The following SAP130 variants were observed in gnomAD, a reference collection of about 807,000 sequenced individuals.
SAP130 encodes Sin3A associated protein 130.
Under a neutral mutation model 103.2 loss-of-function variants are expected in SAP130, and 16 were observed. The observed-to-expected ratio is 0.16, with a 90% confidence interval of 0.10 to 0.24. SAP130 has a LOEUF of 0.24. Ranked by LOEUF, SAP130 falls within the 10% of genes least tolerant of loss-of-function variation. The pLI is 1.00. For missense variants in SAP130, 990 were observed against 1,359.7 expected (o/e 0.73, Z 4.28); for synonymous variants, 477 against 497.0 (o/e 0.96, Z 0.53).
rs1682931034 is a variant in SAP130, at chr2:127,993,174, G to T, written c.1477+13C>A. On this transcript the variant is annotated intron_variant, in intron 12 of 20. Transcript: ENST00000643581. ...TAAACTGTGAAAAGTCATCTAAAAAGCAGGGCTCATACCTGGATACTGTCG... is the reference window on the plus strand; with the variant it reads ...TAAACTGTGAAAAGTCATCTAAAAATCAGGGCTCATACCTGGATACTGTCG... 6.2e-7 allele frequency: 1 copy of T among 1,613,606 alleles called. No individual in the cohort carries two copies. Among genetic ancestry groups the T allele is most frequent in the African/African-American group, 1.3e-5 (1 of 75,006 alleles).
chr2:127,988,020 G>A (rs1222592772), intron 13 of SAP130, among the ~76,000 whole-genome samples: 1 of 152,138 alleles, frequency 6.6e-6, no homozygotes, highest in Admixed American at 6.5e-5. Flanking sequence ...CCTACCGGGT[G>A]GGTCATCATG....
In SAP130 at chr2:127,941,942, C is replaced by T; in HGVS notation, c.*64G>A. On this transcript the variant is annotated 3_prime_UTR_variant, in exon 21 of 21. Coordinates refer to ENST00000643581, the MANE Select transcript of SAP130 (RefSeq NM_001330301.2). ...TGTTCCACTTTGGAAAAAACCAAAA[C>T]CCTCCCCCCACCCCCACCATCATTC... 1.1e-5 allele frequency: 2 copies of T among 181,336 alleles called. No homozygotes were observed. Among genetic ancestry groups the T allele is most frequent in the Admixed American group, 1.1e-4 (1 of 9,374 alleles). The allele number at this position is 181,336 out of a possible 1,614,324, so 11.2% of individuals were successfully genotyped here.
intron 7 of SAP130, among the ~76,000 whole-genome samples, chr2:128,009,534 C>A (rs1684230341): frequency 6.6e-6 from 1 of 152,148 alleles, no homozygotes. Flanking sequence ...TTCATCTCTC[C>A]TACATGCTGG....
At chr2:128,013,462 G>A (rs1277664192) in intron 5 of SAP130, among the ~76,000 whole-genome samples, 2 of 152,148 alleles carry the variant, frequency 1.3e-5, no homozygotes, top group Non-Finnish European at 2.9e-5. Flanking sequence ...CAGCTCTGAC[G>A]AGGCTCGGAC....
In SAP130 at chr2:127,959,846, A is replaced by G. The variant is rs183558545; in HGVS notation, c.2064-4502T>C. ...AGTAAAAAAAAACCCCAAAGTTATA[A>G]AAATTTTGGAACCAAATAGAAATTA... On this transcript the variant is annotated intron_variant, in intron 15 of 20. Transcript: ENST00000643581. 2.0e-5 allele frequency among the ~76,000 whole-genome samples: 3 copies of G among 152,362 alleles called. No individual in the cohort carries two copies. The East Asian group carries it at 5.8e-4, about 29-fold the overall frequency.
chr2:127,952,415 C>T (rs2104742049), intron 16 of SAP130, among the ~76,000 whole-genome samples: 2 of 148,632 alleles, frequency 1.3e-5, no homozygotes, highest in Non-Finnish European at 3.0e-5. Flanking sequence ...CACGCCACTG[C>T]ACTCTAGCCT....
chr2:127,965,939 C>G (rs1680627337), intron 15 of SAP130, among the ~76,000 whole-genome samples: 1 of 152,178 alleles, frequency 6.6e-6, no homozygotes, highest in Admixed American at 6.6e-5. Context: ...TGAATTAAAG[C>G]CCTTTTGCTC....
At chr2:128,005,130 A>G (rs1384910209) in intron 7 of SAP130, among the ~76,000 whole-genome samples, 3 of 152,228 alleles carry the variant, frequency 2.0e-5, no homozygotes, top group Admixed American at 6.5e-5. Flanking sequence ...CTCAGTGGAA[A>G]TGATGAGAGA....
Position 127,996,352 on chromosome 2 carries a change from G to A in SAP130, c.1353C>T (p.Asn451=), listed in dbSNP as rs1408674821. The part of the protein sequence containing the change: ...NPVAMETRSD[N]RPSVPVQFQY... ...ATAACTGACACACAGCCTCCTACCT[G>A]TTGTCACTTCGGGTTTCCATGGCCA... The change falls in exon 11 of 21, where the codon AAC becomes AAT. Residue 451 remains asparagine, a splice_region_variant and synonymous_variant. Transcript: ENST00000643581. This position sits in a 1 kb window ranked among gnomAD's most constrained non-coding sequence, Gnocchi z 4.3. 1.2e-6 allele frequency: 2 copies of A among 1,600,284 alleles called. No homozygotes were observed. Among genetic ancestry groups the A allele is most frequent in the African/African-American group, 2.7e-5 (2 of 74,220 alleles).
At chr2:127,943,920 T>A (rs557391845) in intron 19 of SAP130, among the ~76,000 whole-genome samples, 2 of 152,370 alleles carry the variant, frequency 1.3e-5, no homozygotes, top group Non-Finnish European at 2.9e-5. Context: ...TTAAACTTTT[T>A]GACTCCTTTG....
chr2:128,018,008 G>T, intron 2 of SAP130, 93 bp from the exon 3 acceptor site: 1 of 1,041,306 alleles, frequency 9.6e-7, no homozygotes, highest in Non-Finnish European at 1.4e-6. Flanking sequence ...TTAAATCTCA[G>T]GATTGACAAA....
intron 7 of SAP130, among the ~76,000 whole-genome samples, chr2:128,006,158 A>C (rs925428571): frequency 1.3e-5 from 2 of 152,182 alleles, no homozygotes; most frequent in African/African-American, 4.8e-5. Flanking sequence ...TCAAGTAATC[A>C]TGGAAAGAAT....
In SAP130 at chr2:127,995,476, G is replaced by A. The variant is rs576797268; in HGVS notation, c.1355+874C>T. Among the ~76,000 whole-genome samples the A allele has an allele frequency of 1.8e-4, 28 of 152,208 alleles. No homozygotes were observed. The South Asian group carries it at 5.8e-3, about 32-fold the overall frequency. ...ATAATGAATAAAAGCAAATCTACAA[G>A]GCCGAGCCGATTAAAAAACAGTAAA... On this transcript the variant is annotated intron_variant, in intron 11 of 20. Transcript: ENST00000643581.
At chr2:127,995,918 T>A (rs1450300881) in intron 11 of SAP130, among the ~76,000 whole-genome samples, 1 of 151,888 alleles carries the variant, frequency 6.6e-6, no homozygotes, top group African/African-American at 2.4e-5. Flanking sequence ...AGTACCAAAT[T>A]CCCTAAAACA....
At chr2:127,962,018 T>C (rs1044421309) in intron 15 of SAP130, among the ~76,000 whole-genome samples, 1 of 152,224 alleles carries the variant, frequency 6.6e-6, no homozygotes, top group African/African-American at 2.4e-5. Flanking sequence ...ATCTGATATA[T>C]GTGCTAGTGT....
In SAP130 at chr2:128,000,081, G is replaced by A; in HGVS notation, c.1083C>T (p.Asn361=). 1 of 1,614,186 alleles carries A rather than the reference G, an allele frequency of 6.2e-7. No individual in the cohort carries two copies. The highest frequency in any genetic ancestry group is 1.7e-5 in the Admixed American group (1 of 60,028). ...CAGCTGTGGTCGCTGAAGGAATGGT[G>A]TTGGTTGCCAAAATAGGTGCTACTG... is the stretch of plus-strand genomic sequence containing the variant. ...AATVAPILAT[N]TIPSATTAGS... is the part of the protein sequence containing the mutation. The change falls in exon 9 of 21, where the codon AAC becomes AAT. Residue 361 remains asparagine, a synonymous_variant. Transcript: ENST00000643581.
At chr2:127,983,566 G>A (rs1462712853) in intron 14 of SAP130, among the ~76,000 whole-genome samples, 11 of 152,154 alleles carry the variant, frequency 7.2e-5, no homozygotes, top group African/African-American at 2.2e-4. Flanking sequence ...AAAGCAAGAA[G>A]GCGTGGAGAA....
intron 18 of SAP130, among the ~76,000 whole-genome samples, chr2:127,945,906 G>T (rs1214015290): frequency 6.6e-6 from 1 of 152,174 alleles, no homozygotes; most frequent in East Asian, 1.9e-4. Flanking sequence ...GCCTGCCATG[G>T]CCTCCCAAAG....
intron 7 of SAP130, among the ~76,000 whole-genome samples, chr2:128,001,115 T>TA (rs1346971760): frequency 6.6e-6 from 1 of 152,142 alleles, no homozygotes; most frequent in African/African-American, 2.4e-5. Context: ...CCTAAAATGA[T>TA]AAAAAGTTAG....
Sources: allele counts gnomAD v4.1 joint callset (sites outside exome capture counted in the v4.1 genomes callset), GRCh38; gene constraint gnomAD v4.1.1; non-coding constraint Gnocchi (gnomAD v3.1); transcripts MANE v1.5; gene names NCBI Gene and HGNC (gene_info 2026-07-23, HGNC 2026-07-21).